KIAA1328: variants seen among roughly 807,000 people sequenced by gnomAD.
KIAA1328 encodes the protein KIAA1328.
In KIAA1328, 52 loss-of-function variants were observed where a neutral mutation model predicts 68.1. That is an observed-to-expected ratio of 0.76 (90% confidence interval 0.61 to 0.96). The LOEUF is 0.96. KIAA1328 is among the 40% of genes least tolerant of loss of function. The pLI is 0.00. For synonymous variants in KIAA1328, 232 were observed against 239.4 expected, an observed-to-expected ratio of 0.97 and a Z score of 0.28; for missense variants, 641 against 677.6, an observed-to-expected ratio of 0.95 and a Z score of 0.60.
intron 7 of KIAA1328, among the ~76,000 whole-genome samples, chr18:37,090,597 T>G (rs1451909840): frequency 1.3e-5 from 2 of 152,212 alleles, no homozygotes; most frequent in Non-Finnish European, 2.9e-5. Context: ...AATTAAGGAC[T>G]GCTGTGTGAG....
At chr18:37,191,298 AC>A (rs1034332564) in intron 9 of KIAA1328, among the ~76,000 whole-genome samples, 4 of 152,200 alleles carry the variant, frequency 2.6e-5, no homozygotes, top group African/African-American at 9.7e-5. Context: ...TACATACGTT[AC>A]ATTGTGTTTA....
Position 36,959,447 on chromosome 18 carries a change from T to C in KIAA1328, c.576+12T>C, listed in dbSNP as rs372357724. ...TGCAGGAACAGCAGGTAAGCATCTTTAATTTTACTTTTCTTGTCTTCAGTG... is the reference window on the plus strand; with the variant it reads ...TGCAGGAACAGCAGGTAAGCATCTTCAATTTTACTTTTCTTGTCTTCAGTG... On this transcript the variant is annotated intron_variant, in intron 6 of 9. Coordinates refer to ENST00000280020, the MANE Select transcript of KIAA1328 (RefSeq NM_020776.3). 23 of 1,602,496 alleles carry C rather than the reference T, an allele frequency of 1.4e-5. No individual in the cohort carries two copies. In the Admixed American group the frequency reaches 1.7e-4, roughly 12 times the overall value.
intron 5 of KIAA1328, among the ~76,000 whole-genome samples, chr18:36,907,375 T>C (rs188457670): frequency 8.2e-4 from 125 of 152,220 alleles, no homozygotes; most frequent in African/African-American, 2.7e-3. Context: ...TGGATCTTAG[T>C]GGAAAAGCAA....
intron 5 of KIAA1328, among the ~76,000 whole-genome samples, chr18:36,919,542 A>G (rs1038979975): frequency 6.6e-6 from 1 of 152,260 alleles, no homozygotes; most frequent in African/African-American, 2.4e-5. Context: ...TTGCAAGTAC[A>G]TGTCTTTTTG....
chr18:36,880,806 A>G (rs2048304613), intron 4 of KIAA1328, among the ~76,000 whole-genome samples: 1 of 152,106 alleles, frequency 6.6e-6, no homozygotes, highest in African/African-American at 2.4e-5. Context: ...ATTTTGACAA[A>G]TGCCTTTTCT....
At chr18:37,164,904 C>T (rs925762281) in intron 8 of KIAA1328, among the ~76,000 whole-genome samples, 1 of 152,042 alleles carries the variant, frequency 6.6e-6, no homozygotes, top group African/African-American at 2.4e-5. Flanking sequence ...AAATTATGTA[C>T]ACCCGTGTAA....
chr18:37,076,461 G>A (rs1217892177), intron 7 of KIAA1328, among the ~76,000 whole-genome samples: 23 of 151,810 alleles, frequency 1.5e-4, no homozygotes, highest in Non-Finnish European at 1.3e-4. Context: ...AAAGCTAGCA[G>A]AAGACTAGAA....
chr18:37,037,194 A>G (rs925959490), intron 6 of KIAA1328, among the ~76,000 whole-genome samples: 2 of 151,556 alleles, frequency 1.3e-5, no homozygotes, highest in African/African-American at 2.4e-5. Flanking sequence ...CTCAAATCAA[A>G]TGACTTTTCA....
intron 4 of KIAA1328, among the ~76,000 whole-genome samples, chr18:36,864,193 T>A (rs2047663316): frequency 6.6e-6 from 1 of 152,186 alleles, no homozygotes; most frequent in African/African-American, 2.4e-5. Flanking sequence ...CTCTGTCGAT[T>A]GATATGATTA....
chr18:37,024,353 T>C (rs1447059779), intron 6 of KIAA1328, among the ~76,000 whole-genome samples: 4 of 124,844 alleles, frequency 3.2e-5, no homozygotes, highest in Non-Finnish European at 6.7e-5. Flanking sequence ...TATATATTTA[T>C]TATTTATTTA....
At chr18:36,991,551 T>C (rs919403106) in intron 6 of KIAA1328, among the ~76,000 whole-genome samples, 1 of 152,250 alleles carries the variant, frequency 6.6e-6, no homozygotes, top group African/African-American at 2.4e-5. Context: ...TTTCAGATTT[T>C]TGAAGATGAA....
intron 5 of KIAA1328, among the ~76,000 whole-genome samples, chr18:36,908,721 A>G (rs1016246257): frequency 6.6e-6 from 1 of 152,170 alleles, no homozygotes; most frequent in Non-Finnish European, 1.5e-5. Context: ...GAATATATTT[A>G]TCTAGGATTG....
intron 9 of KIAA1328, among the ~76,000 whole-genome samples, chr18:37,213,377 C>T (rs2060356234): frequency 6.6e-6 from 1 of 152,164 alleles, no homozygotes; most frequent in African/African-American, 2.4e-5. Flanking sequence ...CAGTTCCCAC[C>T]TATGAGTGAG....
chr18:36,899,169 C>T (rs1246008169), intron 5 of KIAA1328, among the ~76,000 whole-genome samples: 1 of 151,222 alleles, frequency 6.6e-6, no homozygotes, highest in African/African-American at 2.4e-5. Context: ...TTCTCTTTTA[C>T]TCTTAGTTTG....
intron 7 of KIAA1328, among the ~76,000 whole-genome samples, chr18:37,148,724 T>C (rs2058962027): frequency 6.6e-6 from 1 of 152,212 alleles, no homozygotes; most frequent in Non-Finnish European, 1.5e-5. Context: ...TGATCAGTGA[T>C]GTTGAGTTTG....
At chr18:36,975,888 T>A (rs936737066) in intron 6 of KIAA1328, among the ~76,000 whole-genome samples, 9 of 152,224 alleles carry the variant, frequency 5.9e-5, no homozygotes, top group African/African-American at 1.2e-4. Flanking sequence ...TTAAATTTTT[T>A]AATTTTGTAC....
chr18:36,836,314 G>T (rs1042257974), intron 3 of KIAA1328, among the ~76,000 whole-genome samples: 1 of 152,064 alleles, frequency 6.6e-6, no homozygotes, highest in African/African-American at 2.4e-5. Flanking sequence ...TCACATAATG[G>T]TTGATTTGTT....
chr18:37,140,424 A>G (rs1197896406), intron 7 of KIAA1328, among the ~76,000 whole-genome samples: 2 of 152,142 alleles, frequency 1.3e-5, no homozygotes, highest in African/African-American at 4.8e-5. Context: ...CCTGAATGAC[A>G]TTTAAAATTT....
At chr18:37,057,858 G>C (rs148127678) in intron 6 of KIAA1328, among the ~76,000 whole-genome samples, 370 of 152,290 alleles carry the variant, frequency 2.4e-3, no homozygotes, top group African/African-American at 8.1e-3. Context: ...GCTATGACAA[G>C]GATCTCATGG....
Sources: allele counts gnomAD v4.1 joint callset (sites outside exome capture counted in the v4.1 genomes callset), GRCh38; gene constraint gnomAD v4.1.1; transcripts MANE v1.5; gene names NCBI Gene and HGNC (gene_info 2026-07-23, HGNC 2026-07-21).